Variants in PRKCQ observed in about 807,000 individuals in gnomAD.
The protein encoded by PRKCQ is protein kinase C theta type.
In PRKCQ, 41 loss-of-function variants were observed where a neutral mutation model predicts 91.2. The observed-to-expected ratio is 0.45, with a 90% CI of 0.35 to 0.58. PRKCQ has a LOEUF of 0.58. Ranked by LOEUF, PRKCQ falls within the 20% of genes least tolerant of loss-of-function variation. The pLI, the probability that PRKCQ is intolerant of heterozygous loss-of-function variation, is 0.00. For synonymous variants in PRKCQ, 307 were observed against 316.9 expected, an observed-to-expected ratio of 0.97 and a Z score of 0.33; for missense variants, 673 against 896.5, an observed-to-expected ratio of 0.75 and a Z score of 3.18.
chr10:6,517,560 A>C (rs1279168732), intron 1 of PRKCQ, among the ~76,000 whole-genome samples: 1 of 144,514 alleles, frequency 6.9e-6, no homozygotes, highest in African/African-American at 2.5e-5. Flanking sequence ...TCTACATGCC[A>C]GAAAAAAATG....
intron 17 of PRKCQ, among the ~76,000 whole-genome samples, chr10:6,428,847 C>T (rs1431927528): frequency 6.6e-6 from 1 of 152,100 alleles, no homozygotes; most frequent in Non-Finnish European, 1.5e-5. Context: ...GTTGTCAGTC[C>T]CCTGCCCTTG....
At chr10:6,551,190 T>G (rs769171050) in intron 1 of PRKCQ, among the ~76,000 whole-genome samples, 3 of 152,074 alleles carry the variant, frequency 2.0e-5, no homozygotes, top group African/African-American at 2.4e-5. Flanking sequence ...GTGTGTGTTG[T>G]TCCCCTCTTT....
chr10:6,482,900 T>C (rs1173611459), intron 11 of PRKCQ, among the ~76,000 whole-genome samples: 1 of 152,110 alleles, frequency 6.6e-6, no homozygotes, highest in Non-Finnish European at 1.5e-5. Context: ...CCCATCCCCA[T>C]GATTCAATCA....
intron 11 of PRKCQ, 74 bp from the exon 12 acceptor site, chr10:6,479,239 G>C: frequency 6.5e-7 from 1 of 1,540,822 alleles, no homozygotes; most frequent in Non-Finnish European, 8.9e-7. Context: ...ACAGAGTCCT[G>C]AGAGACACCT....
Position 6,497,059 on chromosome 10 carries a change from T to C in PRKCQ, c.636A>G (p.Ser212=). Residue 212 remains serine, a synonymous_variant, in exon 7 of 18, where the codon TCA becomes TCG. Transcript: ENST00000263125. This position sits in a 1 kb window ranked among gnomAD's most constrained non-coding sequence, Gnocchi z 4.5. ...IDKVIAKCTG[S]AINSRETMFH... ...CCATGGTTTCTCGGCTATTGATAGC[T>C]GATCCTGTGCACTTTGCTATAACTT... 1 of 1,613,224 alleles carries C rather than the reference T, an allele frequency of 6.2e-7. No individual in the cohort carries two copies. Among genetic ancestry groups the C allele is most frequent in the Middle Eastern group, 1.9e-4 (1 of 5,310 alleles).
At chr10:6,514,617 T>C (rs1251602934) in intron 2 of PRKCQ, among the ~76,000 whole-genome samples, 1 of 152,234 alleles carries the variant, frequency 6.6e-6, no homozygotes, top group East Asian at 1.9e-4. Flanking sequence ...AAGCAGTCTT[T>C]AGAGTTGGTT....
intron 12 of PRKCQ, among the ~76,000 whole-genome samples, chr10:6,469,979 G>C (rs1403442689): frequency 6.6e-6 from 1 of 152,092 alleles, no homozygotes; most frequent in Non-Finnish European, 1.5e-5. Context: ...TCCATCTCTG[G>C]CTCAAGCATT....
intron 15 of PRKCQ, among the ~76,000 whole-genome samples, chr10:6,444,923 A>G (rs1834176966): frequency 6.6e-6 from 1 of 152,020 alleles, no homozygotes; most frequent in African/African-American, 2.4e-5. Flanking sequence ...CAGGAGTTTG[A>G]GACCAGCCTG....
chr10:6,490,137 T>C (rs1837202151), intron 8 of PRKCQ, among the ~76,000 whole-genome samples: 2 of 152,080 alleles, frequency 1.3e-5, no homozygotes, highest in Non-Finnish European at 2.9e-5. Context: ...TCAGTGTCCT[T>C]TGGGGCCAGG....
intron 9 of PRKCQ, among the ~76,000 whole-genome samples, chr10:6,485,557 G>A (rs889975851): frequency 1.3e-5 from 2 of 152,160 alleles, no homozygotes; most frequent in African/African-American, 4.8e-5. Context: ...GGTAGTTAAT[G>A]GATGGGAAAA....
At chr10:6,447,406 CAAAA>C (rs151312430) in intron 15 of PRKCQ, among the ~76,000 whole-genome samples, 1 of 119,572 alleles carries the variant, frequency 8.4e-6, no homozygotes. Flanking sequence ...GACTCCACCT[CAAAA>C]AAAAAAAAAA....
chr10:6,493,650 C>T (rs763200693), intron 7 of PRKCQ, among the ~76,000 whole-genome samples: 5 of 152,088 alleles, frequency 3.3e-5, no homozygotes, highest in African/African-American at 4.8e-5. Flanking sequence ...CAGAGATTTG[C>T]GTTTTTTTCT....
the PRKCQ span, among the ~76,000 whole-genome samples, chr10:6,404,478 CTTT>C: frequency 8.3e-6 from 1 of 121,086 alleles, no homozygotes; most frequent in Non-Finnish European, 1.8e-5. Flanking sequence ...TTCCTTTTTT[CTTT>C]CTTTCTCTCT....
At chr10:6,520,278 C>T (rs112696623) in intron 1 of PRKCQ, among the ~76,000 whole-genome samples, 2,175 of 152,288 alleles carry the variant, frequency 0.014, 34 homozygotes, top group Admixed American at 0.027. Flanking sequence ...CCGCGACGCC[C>T]GGCCCTCACC....
At chr10:6,522,109 G>A (rs1476390013) in intron 1 of PRKCQ, among the ~76,000 whole-genome samples, 2 of 151,912 alleles carry the variant, frequency 1.3e-5, no homozygotes, top group Non-Finnish European at 2.9e-5. Flanking sequence ...GCCCGGCTAA[G>A]TTTTGTATTT....
chr10:6,560,077 T>G (rs539957245), intron 1 of PRKCQ, among the ~76,000 whole-genome samples: 1 of 152,326 alleles, frequency 6.6e-6, no homozygotes, highest in South Asian at 2.1e-4. Context: ...GAAAAAGCCC[T>G]GACATGTTAG....
intron 15 of PRKCQ, among the ~76,000 whole-genome samples, chr10:6,446,620 C>A (rs1235082808): frequency 6.6e-6 from 1 of 152,172 alleles, no homozygotes. Flanking sequence ...CCTACCTCCG[C>A]CTCCCAAAGT....
intron 15 of PRKCQ, among the ~76,000 whole-genome samples, chr10:6,447,851 C>G (rs1834408652): frequency 6.6e-6 from 1 of 152,222 alleles, no homozygotes; most frequent in Non-Finnish European, 1.5e-5. Flanking sequence ...CATAAAGACC[C>G]TGCAGGGCAG....
rs34824156 is a variant in PRKCQ, at chr10:6,570,553, C to CT, written c.-10+9657dup. Among the ~76,000 whole-genome samples the CT allele has an allele frequency of 8.3e-3, 1,120 of 135,186 alleles. 12 individuals are homozygous for CT. Among genetic ancestry groups the CT allele is most frequent in the African/African-American group, 0.023 (850 of 36,662 alleles). The allele number at this position is 135,186 out of a possible 152,430, so 88.7% of individuals were successfully genotyped here. On this transcript the variant is annotated intron_variant, in intron 1 of 17. Transcript: ENST00000263125. ...GCCTCAGACAGGAACTAAGGGGCTT[C>CT]TTTTTTTTTTTTTTTTTCTAAGACA...
Sources: allele counts gnomAD v4.1 joint callset (sites outside exome capture counted in the v4.1 genomes callset), GRCh38; gene constraint gnomAD v4.1.1; non-coding constraint Gnocchi (gnomAD v3.1); transcripts MANE v1.5; gene names NCBI Gene and HGNC (gene_info 2026-07-23, HGNC 2026-07-21).